The following CPNE2 variants were observed in gnomAD, a reference collection of about 807,000 sequenced individuals.
CPNE2 encodes copine-2.
CPNE2 carries 42 observed loss-of-function variants against 69.7 expected under a neutral mutation model. That is an observed-to-expected ratio of 0.60 (90% CI 0.47 to 0.78). The LOEUF is 0.78. Ranked by LOEUF, CPNE2 falls within the 30% of genes least tolerant of loss-of-function variation. CPNE2 has a pLI of 0.00. For synonymous variants in CPNE2, 294 were observed against 289.8 expected (o/e 1.01, Z -0.15); for missense variants, 587 against 732.0 (o/e 0.80, Z 2.29).
Position 57,121,085 on chromosome 16 carries a change from C to A in CPNE2, c.682-8C>A. 6.2e-7 allele frequency: 1 copy of A among 1,611,222 alleles called. No homozygotes were observed. The highest frequency in any genetic ancestry group is 2.2e-5 in the East Asian group (1 of 44,838). ...AGCTCTGGGGTGACCGTGCTGAACC[C>A]ACCCCAGGTCATGTGCTACGACTAT... On this transcript the variant is annotated splice_region_variant and splice_polypyrimidine_tract_variant and intron_variant, in intron 7 of 15. Coordinates refer to ENST00000290776, the MANE Select transcript of CPNE2 (RefSeq NM_152727.6).
At chr16:57,102,185 C>T (rs1022676829) in intron 1 of CPNE2, among the ~76,000 whole-genome samples, 1 of 152,030 alleles carries the variant, frequency 6.6e-6, no homozygotes, top group Non-Finnish European at 1.5e-5. Context: ...TTCCTGAGCT[C>T]GAGATCCACC....
rs148267024 is a variant in CPNE2 at position 57,146,495 on chromosome 16, G to A, written c.1539+174G>A. The A allele has an allele frequency of 9.5e-5, 59 of 621,232 alleles. No homozygotes were observed. The highest frequency in any genetic ancestry group is 1.5e-4 in the Non-Finnish European group (54 of 356,656). 38.5% of individuals were successfully genotyped at this position (621,232 alleles called of 1,614,324 possible). On this transcript the variant is annotated intron_variant, in intron 15 of 15. Transcript: ENST00000290776. The surrounding 1 kb of genome is among the most constrained non-coding windows in gnomAD (Gnocchi z 4.4). ...CAGGCGCCGTGCCAGGCCTTGCCCC[G>A]GTGGTGGCCATTGTGATAGTGTGAG... is the stretch of plus-strand genomic sequence containing the variant.
In CPNE2 at chr16:57,107,547, G is replaced by A. The variant is rs888232443; in HGVS notation, c.-35-3161G>A. Among the ~76,000 whole-genome samples the A allele has an allele frequency of 2.0e-5, 3 of 152,184 alleles. 1 individual carries two copies. The highest frequency in any genetic ancestry group is 4.1e-4 in the South Asian group (2 of 4,834). On this transcript the variant is annotated intron_variant, in intron 1 of 15. Transcript: ENST00000290776. ...GCACCGTGGCCTGGGTGAAAGAGAG[G>A]AGGAGTGGACCCAGCATAGTGATGG...
intron 1 of CPNE2, among the ~76,000 whole-genome samples, chr16:57,099,283 T>C (rs983712772): frequency 5.3e-5 from 8 of 152,348 alleles, no homozygotes; most frequent in Admixed American, 1.3e-4. Flanking sequence ...ACCTGTGTTC[T>C]TCCTTCAAGT....
intron 1 of CPNE2, among the ~76,000 whole-genome samples, chr16:57,094,835 T>C (rs1597487274): frequency 6.6e-6 from 1 of 152,044 alleles, no homozygotes; most frequent in South Asian, 2.1e-4. Flanking sequence ...AAGTGGTAGG[T>C]CTCATCCAGG....
At chr16:57,116,599 A>G (rs1237267248) in intron 4 of CPNE2, among the ~76,000 whole-genome samples, 1 of 152,066 alleles carries the variant, frequency 6.6e-6, no homozygotes, top group African/African-American at 2.4e-5. Context: ...TTCCACCTAG[A>G]AGCCATCTCA....
intron 12 of CPNE2, among the ~76,000 whole-genome samples, chr16:57,133,269 G>A (rs757962321): frequency 3.9e-5 from 6 of 152,216 alleles, no homozygotes; most frequent in Middle Eastern, 3.4e-3. Flanking sequence ...GCTCTGTGCC[G>A]GGCGCCTAAA....
At chr16:57,145,419 T>C (rs2069949887) in intron 14 of CPNE2, among the ~76,000 whole-genome samples, 1 of 152,224 alleles carries the variant, frequency 6.6e-6, no homozygotes, top group Admixed American at 6.5e-5. Context: ...CTCAGTGCTG[T>C]GTTTGGGATG....
chr16:57,121,047 C>T (rs2069757640), intron 7 of CPNE2, 46 bp from the exon 8 acceptor site: 1 of 1,476,492 alleles, frequency 6.8e-7, no homozygotes. Flanking sequence ...CTGGAGAGCA[C>T]CTCTTGGGGG....
rs1320650545 is a variant in CPNE2 at position 57,123,290 on chromosome 16, C to T, written c.868-124C>T. 6.6e-6 allele frequency: 6 copies of T among 907,568 alleles called. No homozygotes were observed. The East Asian group carries it at 1.2e-4, about 18-fold the overall frequency. The allele number at this position is 907,568 out of a possible 1,614,324, so 56.2% of individuals were successfully genotyped here. On this transcript the variant is annotated intron_variant, in intron 9 of 15. Coordinates refer to ENST00000290776, the MANE Select transcript of CPNE2 (RefSeq NM_152727.6). ...GATTTGGGTTTTGTTGTAATTAGATCAGGCCCATCAGCTTTTTTTGACCTC... is the reference window on the plus strand; with the variant it reads ...GATTTGGGTTTTGTTGTAATTAGATTAGGCCCATCAGCTTTTTTTGACCTC...
Position 57,118,012 on chromosome 16 carries a change from TCTTC to T in CPNE2, c.507+449_507+452del, listed in dbSNP as rs1172906779. 2.0e-5 allele frequency among the ~76,000 whole-genome samples: 3 copies of T among 152,246 alleles called. No homozygotes were observed. The East Asian group carries it at 5.8e-4, about 29-fold the overall frequency. On this transcript the variant is annotated intron_variant, in intron 5 of 15. Transcript: ENST00000290776. Reference sequence around the variant, plus strand: ...GCTGTTCCCTCTGCCTGGGATGCTCTCTTCCTTGAATTTTCTCACGGCACCCTCT... The same window carrying T: ...GCTGTTCCCTCTGCCTGGGATGCTCTCTTGAATTTTCTCACGGCACCCTCT...
At chr16:57,121,605 G>A (rs1484937837) in intron 8 of CPNE2, 69 bp from the exon 9 acceptor site, 3 of 1,475,718 alleles carry the variant, frequency 2.0e-6, no homozygotes, top group Non-Finnish European at 2.8e-6. Context: ...AGGGATTCTA[G>A]GGCCAAGGAG....
chr16:57,117,383 C>A, intron 4 of CPNE2, 113 bp from the exon 5 acceptor site: 1 of 1,009,660 alleles, frequency 9.9e-7, no homozygotes, highest in Non-Finnish European at 1.5e-6. Context: ...CCTGGAACTG[C>A]CCTTCCCTTC....
At chr16:57,123,125 C>G (rs2069774888) in intron 9 of CPNE2, among the ~76,000 whole-genome samples, 1 of 152,126 alleles carries the variant, frequency 6.6e-6, no homozygotes. Flanking sequence ...CAAATTGAGA[C>G]ACTCTGTGTC....
chr16:57,121,716 A>C lies in CPNE2; in HGVS notation c.823A>C (p.Lys275Gln). ...CAACCCCAAGAAGCAGAGGAAGAAGAAGAACTATAAAAACTCGGGCATCAT... is the reference window on the plus strand; with the variant it reads ...CAACCCCAAGAAGCAGAGGAAGAAGCAGAACTATAAAAACTCGGGCATCAT... Reference protein sequence around the residue: ...CINPKKQRKKKNYKNSGIIIL... With the variant: ...CINPKKQRKKQNYKNSGIIIL... The change falls in exon 9 of 16, where the codon AAG (lysine) becomes CAG (glutamine). Residue 275 changes from lysine (K) to glutamine (Q), a missense_variant. Transcript: ENST00000290776. 2 of 1,614,188 alleles carry C rather than the reference A, an allele frequency of 1.2e-6. No homozygotes were observed. The highest frequency in any genetic ancestry group is 1.7e-6 in the Non-Finnish European group (2 of 1,180,026).
intron 12 of CPNE2, among the ~76,000 whole-genome samples, chr16:57,132,883 T>G (rs1284268038): frequency 6.6e-6 from 1 of 151,896 alleles, no homozygotes; most frequent in African/African-American, 2.4e-5. Flanking sequence ...ATGGACAACC[T>G]TCCACAGCCC....
chr16:57,127,109 G>A (rs926507754), intron 11 of CPNE2, among the ~76,000 whole-genome samples: 2 of 152,280 alleles, frequency 1.3e-5, no homozygotes, highest in African/African-American at 4.8e-5. Flanking sequence ...AGAAATCGTC[G>A]GAGTTCTGAG....
chr16:57,117,141 G>A (rs1021997706), intron 4 of CPNE2, among the ~76,000 whole-genome samples: 5 of 152,148 alleles, frequency 3.3e-5, no homozygotes, highest in Admixed American at 6.5e-5. Context: ...TGTGGCTGCC[G>A]CAGGGGCAGG....
At chr16:57,117,777 C>A (rs1340402569) in intron 5 of CPNE2, among the ~76,000 whole-genome samples, 1 of 152,152 alleles carries the variant, frequency 6.6e-6, no homozygotes, top group Non-Finnish European at 1.5e-5. Context: ...CAAAACACAC[C>A]TGGAAACCTG....
Sources: allele counts gnomAD v4.1 joint callset (sites outside exome capture counted in the v4.1 genomes callset), GRCh38; gene constraint gnomAD v4.1.1; non-coding constraint Gnocchi (gnomAD v3.1); transcripts MANE v1.5; gene names NCBI Gene and HGNC (gene_info 2026-07-23, HGNC 2026-07-21).